The following XYLT1 variants were observed in gnomAD, a reference collection of about 807,000 sequenced individuals.
XYLT1 encodes xylosyltransferase 1.
In XYLT1, 36 loss-of-function variants were observed where a neutral mutation model predicts 91.3. The ratio of observed to expected loss-of-function variants is 0.39; its 90% CI spans 0.30 to 0.52. The LOEUF (loss-of-function observed/expected upper bound fraction) is 0.52. Ranked by LOEUF, XYLT1 falls within the 20% of genes least tolerant of loss-of-function variation. XYLT1 has a pLI of 0.68. For missense variants in XYLT1, 1,242 were observed against 1,284.5 expected, an observed-to-expected ratio of 0.97 and a Z score of 0.51; for synonymous variants, 588 against 532.0, an observed-to-expected ratio of 1.11 and a Z score of -1.45.
intron 2 of XYLT1, among the ~76,000 whole-genome samples, chr16:17,340,644 C>G (rs2035053002): frequency 1.3e-5 from 2 of 152,254 alleles, no homozygotes; most frequent in South Asian, 4.1e-4. Flanking sequence ...CCTTTCCTCT[C>G]TGTGCCTCAG....
chr16:17,225,177 A>ACACACACT (rs150256998), intron 3 of XYLT1, among the ~76,000 whole-genome samples: 14 of 147,358 alleles, frequency 9.5e-5, no homozygotes, highest in South Asian at 2.2e-4. Context: ...ACACACACAC[A>ACACACACT]CTCTCTCTCT....
chr16:17,187,454 C>T (rs1301202912), intron 5 of XYLT1, among the ~76,000 whole-genome samples: 1 of 142,190 alleles, frequency 7.0e-6, no homozygotes, highest in Non-Finnish European at 1.5e-5. Flanking sequence ...GTAATCCTAG[C>T]TACTTGGGAG....
At chr16:17,326,834 A>G (rs887054704) in intron 2 of XYLT1, among the ~76,000 whole-genome samples, 1 of 151,724 alleles carries the variant, frequency 6.6e-6, no homozygotes, top group Non-Finnish European at 1.5e-5. Flanking sequence ...CAAAAACAAA[A>G]AAAAACAAAA....
At chr16:17,274,457 G>A (rs1312319456) in intron 2 of XYLT1, among the ~76,000 whole-genome samples, 1 of 152,160 alleles carries the variant, frequency 6.6e-6, no homozygotes, top group Non-Finnish European at 1.5e-5. Flanking sequence ...CCTGACAGAT[G>A]GGGCAGGGGA....
intron 2 of XYLT1, among the ~76,000 whole-genome samples, chr16:17,285,555 G>C (rs138474535): frequency 6.6e-6 from 1 of 152,316 alleles, no homozygotes; most frequent in East Asian, 1.9e-4. Context: ...CCCAGACCAA[G>C]AATCAGCATT....
At chr16:17,141,083 A>C in intron 7 of XYLT1, 70 bp downstream of exon 7, 2 of 1,487,240 alleles carry the variant, frequency 1.3e-6, no homozygotes, top group Non-Finnish European at 1.8e-6. Context: ...CCAAAAATTC[A>C]GCATCTGCTT....
chr16:17,252,723 T>G (rs540082481), intron 3 of XYLT1, among the ~76,000 whole-genome samples: 1 of 152,050 alleles, frequency 6.6e-6, no homozygotes, highest in African/African-American at 2.4e-5. Context: ...GGTGGTGGGG[T>G]GAGGGGACAG....
intron 5 of XYLT1, among the ~76,000 whole-genome samples, chr16:17,189,656 C>A (rs1023706185): frequency 5.3e-5 from 8 of 152,212 alleles, no homozygotes; most frequent in Admixed American, 5.2e-4. Context: ...TGAAGTGCTG[C>A]CACATGCTAC....
chr16:17,195,648 C>T (rs970580772), intron 5 of XYLT1, among the ~76,000 whole-genome samples: 3 of 151,938 alleles, frequency 2.0e-5, no homozygotes, highest in Non-Finnish European at 4.4e-5. Context: ...GTTTCACCAT[C>T]TTGGCCAGGC....
chr16:17,117,755 CAG>C lies in XYLT1; in HGVS notation c.2446_2447del (p.Leu816GlufsTer37). On this transcript the variant is annotated frameshift_variant, in exon 11 of 12. Coordinates refer to ENST00000261381, the MANE Select transcript of XYLT1 (RefSeq NM_022166.4). LOFTEE classifies it high-confidence loss of function. ...TTTTCACTGTCCAGACCCCAGGCCTCAGGGGCAAGTTCAAAGGGGGCTTGTAG... is the reference window on the plus strand; with the variant it reads ...TTTTCACTGTCCAGACCCCAGGCCTCGGGCAAGTTCAAAGGGGGCTTGTAG... ...THYKPPLNLPLRPGVWTVKIL... is the reference protein window; with the variant it reads ...THYKPPLNLPXRPGVWTVKIL... The C allele has an allele frequency of 6.2e-7, 1 of 1,614,206 alleles. No individual in the cohort carries two copies. The highest frequency in any genetic ancestry group is 8.5e-7 in the Non-Finnish European group (1 of 1,180,038).
At position 17,273,993 on chromosome 16, in the gene XYLT1, C is replaced by T. The variant is rs368982666; in HGVS notation, c.403-14495G>A. 2.0e-4 allele frequency among the ~76,000 whole-genome samples: 30 copies of T among 151,904 alleles called. No individual in the cohort carries two copies. The East Asian group carries it at 5.1e-3, about 26-fold the overall frequency. On this transcript the variant is annotated intron_variant, in intron 2 of 11. Coordinates refer to ENST00000261381, the MANE Select transcript of XYLT1 (RefSeq NM_022166.4). ...GTAGCATGATCTCGGCTCACTGCAA[C>T]CTCTGCCTCCCGGGTTCAAGTGATT...
intron 6 of XYLT1, among the ~76,000 whole-genome samples, chr16:17,158,433 CTTG>C (rs1567300633): frequency 6.6e-6 from 1 of 152,214 alleles, no homozygotes; most frequent in African/African-American, 2.4e-5. Flanking sequence ...CACGCCCATG[CTTG>C]TTAAGTATTT....
intron 5 of XYLT1, chr16:17,194,151 A>T (rs553430268): frequency 2.0e-5 from 3 of 152,204 alleles, no homozygotes; most frequent in Non-Finnish European, 4.4e-5. Flanking sequence ...AATGGCTGAC[A>T]TTCATGGAGC....
At chr16:17,335,912 G>A (rs997784610) in intron 2 of XYLT1, among the ~76,000 whole-genome samples, 1 of 152,144 alleles carries the variant, frequency 6.6e-6, no homozygotes, top group East Asian at 1.9e-4. Context: ...AATAAACAGA[G>A]AGCTATTAAT....
At position 17,254,551 on chromosome 16, in the gene XYLT1, C is replaced by T. The variant is rs189281143; in HGVS notation, c.913+4437G>A. Among the ~76,000 whole-genome samples the T allele has an allele frequency of 4.1e-4, 62 of 151,994 alleles. 1 individual carries two copies. Among genetic ancestry groups the T allele is most frequent in the African/African-American group, 1.4e-3 (59 of 41,474 alleles). On this transcript the variant is annotated intron_variant, in intron 3 of 11. Transcript: ENST00000261381. ...CTGGGATTACAGGCATGCGCCACCA[C>T]ACCCAGCTAAGTTTTGTATTTTCAG...
intron 8 of XYLT1, among the ~76,000 whole-genome samples, chr16:17,135,563 CAAAAAAA>C (rs112216252): frequency 8.5e-6 from 1 of 117,110 alleles, no homozygotes; most frequent in African/African-American, 3.0e-5. Flanking sequence ...GAGTGTAGCT[CAAAAAAA>C]AAAAAAAAAA....
chr16:17,175,315 CATG>C lies in XYLT1; in HGVS notation c.1290-16409_1290-16407del, dbSNP rs1449144464. Among the ~76,000 whole-genome samples the C allele has an allele frequency of 2.1e-4, 32 of 152,286 alleles. No homozygotes were observed. In the East Asian group the frequency reaches 4.6e-3, roughly 22 times the overall value. ...AAACTTGGGCAACGTGTCTAATAATCATGATGATCATAACAATAATAAGTATAG... is the reference window on the plus strand; with the variant it reads ...AAACTTGGGCAACGTGTCTAATAATCATGATCATAACAATAATAAGTATAG... On this transcript the variant is annotated intron_variant, in intron 5 of 11. Transcript: ENST00000261381.
chr16:17,279,793 C>T (rs2034030852), intron 2 of XYLT1, among the ~76,000 whole-genome samples: 1 of 152,166 alleles, frequency 6.6e-6, no homozygotes, highest in South Asian at 2.1e-4. Flanking sequence ...AAAATGTGGC[C>T]ACAGCAGCAG....
intron 1 of XYLT1, among the ~76,000 whole-genome samples, chr16:17,402,057 G>C (rs1439307809): frequency 6.6e-6 from 1 of 151,938 alleles, no homozygotes; most frequent in Non-Finnish European, 1.5e-5. Flanking sequence ...CCAACACTTC[G>C]GGAGGCTGAG....
Sources: gnomAD v4.1 joint callset for allele counts (sites outside exome capture counted in the v4.1 genomes callset) on GRCh38, gnomAD v4.1.1 for gene constraint, MANE v1.5 for transcripts, NCBI Gene and HGNC (gene_info 2026-07-23, HGNC 2026-07-21) for gene names.